UNC13C: variants seen among roughly 807,000 people sequenced by gnomAD.
UNC13C encodes protein unc-13 homolog C.
Under a neutral mutation model 245.4 loss-of-function variants are expected in UNC13C, and 174 were observed. The ratio of observed to expected loss-of-function variants is 0.71; its 90% CI spans 0.63 to 0.80. UNC13C has a LOEUF of 0.80. Ranked by LOEUF, UNC13C falls within the 30% of genes least tolerant of loss-of-function variation. UNC13C has a pLI of 0.00. For synonymous variants in UNC13C, 992 were observed against 895.1 expected, an observed-to-expected ratio of 1.11 and a Z score of -1.93; for missense variants, 2,829 against 2,602.9, an observed-to-expected ratio of 1.09 and a Z score of -1.89.
At chr15:54,355,438 C>A (rs1367999007) in intron 17 of UNC13C, among the ~76,000 whole-genome samples, 1 of 151,928 alleles carries the variant, frequency 6.6e-6, no homozygotes, top group Non-Finnish European at 1.5e-5. Flanking sequence ...CTCACTGCAA[C>A]CTCTGCCTCC....
chr15:54,147,136 C>G (rs2032295753), intron 4 of UNC13C, among the ~76,000 whole-genome samples: 2 of 152,170 alleles, frequency 1.3e-5, no homozygotes, highest in Non-Finnish European at 2.9e-5. Flanking sequence ...TTTTACCCAA[C>G]TATCCTGCAG....
intron 4 of UNC13C, among the ~76,000 whole-genome samples, chr15:54,227,357 G>A (rs533668501): frequency 4.1e-4 from 63 of 152,120 alleles, no homozygotes; most frequent in Admixed American, 8.5e-4. Context: ...GCCATCCCTC[G>A]CTTGAAGGTG....
At chr15:53,889,348 C>T in the UNC13C span, among the ~76,000 whole-genome samples, 2 of 152,138 alleles carry the variant, frequency 1.3e-5, no homozygotes, top group Non-Finnish European at 2.9e-5. Context: ...ATTTGGCTCT[C>T]TGTTTGACTG....
intron 1 of UNC13C, among the ~76,000 whole-genome samples, chr15:53,997,671 G>T (rs1894697853): frequency 6.6e-6 from 1 of 151,888 alleles, no homozygotes; most frequent in Non-Finnish European, 1.5e-5. Context: ...ATACACATGT[G>T]TCTATTTCTG....
At chr15:54,581,693 C>G (rs1394517739) in intron 30 of UNC13C, among the ~76,000 whole-genome samples, 1 of 152,188 alleles carries the variant, frequency 6.6e-6, no homozygotes, top group Admixed American at 6.5e-5. Flanking sequence ...GGGGGAGATA[C>G]CAACATTCTA....
chr15:54,090,363 AC>A, intron 2 of UNC13C, among the ~76,000 whole-genome samples: 1 of 152,266 alleles, frequency 6.6e-6, no homozygotes, highest in African/African-American at 2.4e-5. Context: ...TCTATCTACT[AC>A]TAAATGTCTA....
chr15:53,849,463 T>C, the UNC13C span, among the ~76,000 whole-genome samples: 1 of 152,138 alleles, frequency 6.6e-6, no homozygotes, highest in Non-Finnish European at 1.5e-5. Context: ...ATAAACCTTA[T>C]AACATTATAC....
At chr15:54,505,411 A>C (rs1894428264) in intron 22 of UNC13C, among the ~76,000 whole-genome samples, 1 of 152,170 alleles carries the variant, frequency 6.6e-6, no homozygotes, top group African/African-American at 2.4e-5. Context: ...GCTGGAGCCC[A>C]CCTCTGGCAT....
intron 29 of UNC13C, among the ~76,000 whole-genome samples, chr15:54,565,115 T>G (rs1457493360): frequency 2.0e-5 from 3 of 152,104 alleles, no homozygotes; most frequent in Admixed American, 1.3e-4. Context: ...TTTGGAAGCC[T>G]TTGCTGGCTC....
intron 4 of UNC13C, among the ~76,000 whole-genome samples, chr15:54,205,492 C>G (rs17634916): frequency 0.27 from 40,386 of 151,856 alleles, 5,426 homozygotes; most frequent in Middle Eastern, 0.29. Flanking sequence ...TTGTATAACT[C>G]TTAGCATCCC....
intron 17 of UNC13C, among the ~76,000 whole-genome samples, chr15:54,390,266 A>G (rs987153900): frequency 1.3e-5 from 2 of 152,166 alleles, no homozygotes; most frequent in African/African-American, 4.8e-5. Flanking sequence ...TCTTGATGGA[A>G]TATACTTATA....
chr15:54,091,261 T>C (rs1300299835), intron 2 of UNC13C, among the ~76,000 whole-genome samples: 1 of 152,226 alleles, frequency 6.6e-6, no homozygotes, highest in Non-Finnish European at 1.5e-5. Flanking sequence ...TCTTGACATG[T>C]TCCTCAGCTC....
chr15:54,614,841 A>G (rs541378657), intron 30 of UNC13C, among the ~76,000 whole-genome samples: 12 of 152,140 alleles, frequency 7.9e-5, no homozygotes, highest in Non-Finnish European at 1.2e-4. Flanking sequence ...CTGAAATGCA[A>G]TTCTTCTAAA....
At chr15:53,968,017 A>G in the UNC13C span, 1 of 151,966 alleles carries the variant, frequency 6.6e-6, no homozygotes. Flanking sequence ...ATTGATCTGT[A>G]CTCTGTGTAC....
At chr15:54,169,492 GA>G (rs2033305236) in intron 4 of UNC13C, among the ~76,000 whole-genome samples, 1 of 152,032 alleles carries the variant, frequency 6.6e-6, no homozygotes, top group Non-Finnish European at 1.5e-5. Flanking sequence ...GAGTTTCCAG[GA>G]GGCGTTCTTT....
intron 1 of UNC13C, among the ~76,000 whole-genome samples, chr15:54,003,563 G>A (rs1273058456): frequency 6.6e-6 from 1 of 152,158 alleles, no homozygotes; most frequent in Non-Finnish European, 1.5e-5. Flanking sequence ...CATAGTAGAT[G>A]TATATATTTA....
chr15:54,291,342 C>G (rs1467541863), intron 10 of UNC13C, among the ~76,000 whole-genome samples: 1 of 151,900 alleles, frequency 6.6e-6, no homozygotes, highest in African/African-American at 2.4e-5. Flanking sequence ...CCCACAATTT[C>G]TACCTCATTT....
chr15:54,465,653 A>C (rs890222234), intron 19 of UNC13C, among the ~76,000 whole-genome samples: 1 of 152,048 alleles, frequency 6.6e-6, no homozygotes. Flanking sequence ...ATGTGAATGC[A>C]CAGAGGCAGG....
chr15:54,065,136 C>A (rs181866536), intron 2 of UNC13C, among the ~76,000 whole-genome samples: 1 of 152,134 alleles, frequency 6.6e-6, no homozygotes. Context: ...GATCTGACTA[C>A]GCAGGAGCTC....
Sources: gnomAD v4.1 joint callset for allele counts (sites outside exome capture counted in the v4.1 genomes callset) on GRCh38, gnomAD v4.1.1 for gene constraint, MANE v1.5 for transcripts, NCBI Gene and HGNC (gene_info 2026-07-23, HGNC 2026-07-21) for gene names.